NAALADL2: variants seen among roughly 807,000 people sequenced by gnomAD.
The protein encoded by NAALADL2 is inactive N-acetylated-alpha-linked acidic dipeptidase-like protein 2.
Under a neutral mutation model 87.2 loss-of-function variants are expected in NAALADL2, and 76 were observed. The observed-to-expected ratio is 0.87, with a 90% CI of 0.72 to 1.05. NAALADL2 has a LOEUF of 1.05. NAALADL2 is among the 50% of genes least tolerant of loss of function. The pLI is 0.00. For missense variants in NAALADL2, 1,089 were observed against 945.8 expected, an observed-to-expected ratio of 1.15 and a Z score of -1.99; for synonymous variants, 354 against 331.0, an observed-to-expected ratio of 1.07 and a Z score of -0.75.
chr3:174,681,805 G>A (rs1442287141), intron 2 of NAALADL2, among the ~76,000 whole-genome samples: 2 of 152,166 alleles, frequency 1.3e-5, no homozygotes, highest in East Asian at 1.9e-4. Context: ...TACCAGCTTG[G>A]CCACGGTGGG....
At chr3:175,262,566 T>C (rs1424231925) in intron 4 of NAALADL2, among the ~76,000 whole-genome samples, 1 of 110,598 alleles carries the variant, frequency 9.0e-6, no homozygotes, top group Admixed American at 1.1e-4. Context: ...AAAATATTCA[T>C]GTTGTGTGAG....
At chr3:175,249,986 A>C (rs1226765135) in intron 3 of NAALADL2, among the ~76,000 whole-genome samples, 1 of 152,014 alleles carries the variant, frequency 6.6e-6, no homozygotes, top group East Asian at 1.9e-4. Flanking sequence ...CCTAACCAAC[A>C]TGGAGAAACT....
intron 5 of NAALADL2, among the ~76,000 whole-genome samples, chr3:175,347,060 A>G (rs1318777635): frequency 1.3e-5 from 2 of 151,572 alleles, no homozygotes; most frequent in African/African-American, 4.9e-5. Flanking sequence ...CATGTTAAGC[A>G]GCTCATGACT....
intron 2 of NAALADL2, among the ~76,000 whole-genome samples, chr3:175,120,018 T>C (rs1379038881): frequency 6.6e-6 from 1 of 150,724 alleles, no homozygotes; most frequent in African/African-American, 2.4e-5. Flanking sequence ...CTATTGAAGT[T>C]TGAATCATGC....
intron 1 of NAALADL2, among the ~76,000 whole-genome samples, chr3:175,096,464 T>C (rs1385680924): frequency 1.3e-5 from 2 of 151,538 alleles, no homozygotes; most frequent in African/African-American, 2.4e-5. Context: ...ATGACTGTTG[T>C]TATTCTCCTG....
intron 10 of NAALADL2, among the ~76,000 whole-genome samples, chr3:175,591,514 C>A (rs552357726): frequency 2.0e-5 from 3 of 151,704 alleles, no homozygotes; most frequent in Non-Finnish European, 2.9e-5. Flanking sequence ...AAACAATGTG[C>A]AGAACACTAT....
At position 175,741,702 on chromosome 3, in the gene NAALADL2, G is replaced by T. The variant is rs547344530; in HGVS notation, c.1990+4303G>T. 5.3e-3 allele frequency among the ~76,000 whole-genome samples: 812 copies of T among 152,058 alleles called. 11 individuals carry two copies. Among genetic ancestry groups the T allele is most frequent in the African/African-American group, 0.018 (743 of 41,484 alleles). On this transcript the variant is annotated intron_variant, in intron 12 of 13. Transcript: ENST00000454872. ...AAAGAGATAATTCAGCATAATTTTT[G>T]ATTTTTTCCAGCCTCCAGAGGGAGA...
chr3:175,335,892 T>C (rs1761919646), intron 5 of NAALADL2, among the ~76,000 whole-genome samples: 1 of 152,168 alleles, frequency 6.6e-6, no homozygotes, highest in Non-Finnish European at 1.5e-5. Context: ...TTAAGTAAAT[T>C]AAAAGTGAGG....
chr3:174,969,917 A>C (rs1242732102), intron 1 of NAALADL2, among the ~76,000 whole-genome samples: 2 of 152,252 alleles, frequency 1.3e-5, no homozygotes, highest in African/African-American at 2.4e-5. Context: ...GGAAAAGTAC[A>C]TAATTGAAAT....
chr3:174,915,837 T>C (rs1734302725), intron 1 of NAALADL2, among the ~76,000 whole-genome samples: 1 of 152,042 alleles, frequency 6.6e-6, no homozygotes, highest in African/African-American at 2.4e-5. Context: ...TGGCTAAGAC[T>C]ACAAAAGCAA....
At chr3:174,686,905 T>C (rs1182568081) in intron 2 of NAALADL2, among the ~76,000 whole-genome samples, 1 of 152,064 alleles carries the variant, frequency 6.6e-6, no homozygotes, top group Non-Finnish European at 1.5e-5. Flanking sequence ...GATTTCATGA[T>C]GAAGACAACA....
chr3:174,872,747 C>CACACAT (rs1727997604), intron 1 of NAALADL2, among the ~76,000 whole-genome samples: 1 of 152,034 alleles, frequency 6.6e-6, no homozygotes, highest in Non-Finnish European at 1.5e-5. Flanking sequence ...CACACACACA[C>CACACAT]ACACACACAT....
chr3:174,710,937 T>C (rs1730567758), intron 2 of NAALADL2, among the ~76,000 whole-genome samples: 1 of 152,176 alleles, frequency 6.6e-6, no homozygotes, highest in South Asian at 2.1e-4. Flanking sequence ...TATAAATGGG[T>C]ATTGTTTGAA....
rs115222507 is a variant in NAALADL2 at position 175,430,892 on chromosome 3, A to G, written c.1091-16337A>G. Among the ~76,000 whole-genome samples, 1,088 of 152,166 alleles carry G rather than the reference A, an allele frequency of 7.2e-3. 17 individuals carry two copies. Among genetic ancestry groups the G allele is most frequent in the African/African-American group, 0.025 (1,032 of 41,556 alleles). ...TTATGGATAACCACTTAATTTTAAT[A>G]TCAGCCTTAGATCAGTATATAGGTG... On this transcript the variant is annotated intron_variant, in intron 5 of 13. Coordinates refer to ENST00000454872, the MANE Select transcript of NAALADL2 (RefSeq NM_207015.3).
chr3:174,571,880 C>T (rs1181889498), intron 2 of NAALADL2, among the ~76,000 whole-genome samples: 3 of 152,150 alleles, frequency 2.0e-5, no homozygotes, highest in Admixed American at 6.5e-5. Context: ...ATAAAAACTA[C>T]ATAAAGTATT....
chr3:174,642,526 AG>A (rs745977216), intron 2 of NAALADL2, among the ~76,000 whole-genome samples: 1 of 138,690 alleles, frequency 7.2e-6, no homozygotes. Flanking sequence ...AAAAAAAAAA[AG>A]CATGTTGCCA....
At position 174,700,229 on chromosome 3, in the gene NAALADL2, G is replaced by GTT. The variant is rs71624290; in HGVS notation, c.-114-37397_-114-37396dup. Among the ~76,000 whole-genome samples the GTT allele has an allele frequency of 3.1e-3, 432 of 140,396 alleles. 1 individual carries two copies. The highest frequency in any genetic ancestry group is 5.3e-3 in the East Asian group (26 of 4,902). 92.1% of individuals were successfully genotyped at this position (140,396 alleles called of 152,430 possible). A position where few individuals can be genotyped will look rare whatever the true frequency, so the allele number is the denominator to read the frequency against. On this transcript the variant is annotated intron_variant, in intron 2 of 3. Transcript: ENST00000434257. ...CATAGTTTGTAGATTTTTTGCCACA[G>GTT]TTTTTTTTTTTTTTTTCAGCGTAGA...
chr3:174,822,216 C>T (rs1225111412), intron 3 of NAALADL2, among the ~76,000 whole-genome samples: 1 of 151,904 alleles, frequency 6.6e-6, no homozygotes, highest in African/African-American at 2.4e-5. Context: ...GCAAATATAA[C>T]ACTATATGAG....
chr3:175,612,995 A>G (rs893153015), intron 10 of NAALADL2, among the ~76,000 whole-genome samples: 1 of 152,148 alleles, frequency 6.6e-6, no homozygotes, highest in Non-Finnish European at 1.5e-5. Flanking sequence ...AATCACTTAC[A>G]ACAAAATATG....
Sources: gnomAD v4.1 joint callset for allele counts (sites outside exome capture counted in the v4.1 genomes callset) on GRCh38, gnomAD v4.1.1 for gene constraint, MANE v1.5 for transcripts, NCBI Gene and HGNC (gene_info 2026-07-23, HGNC 2026-07-21) for gene names.